UGT1A8: variants seen among roughly 807,000 people sequenced by gnomAD.
UGT1A8 encodes UDP glucuronosyltransferase family 1 member A8, also known as UDP-glucuronosyltransferase 1A8.
Under a neutral mutation model 45.3 loss-of-function variants are expected in UGT1A8, and 39 were observed. That is an observed-to-expected ratio of 0.86 (90% CI 0.67 to 1.12). The LOEUF (loss-of-function observed/expected upper bound fraction) is 1.12, where lower values mean the gene tolerates loss of function less well. Ranked by LOEUF, UGT1A8 falls within the 50% of genes most tolerant of loss-of-function variation. The pLI is 0.00. For synonymous variants in UGT1A8, 275 were observed against 249.2 expected (o/e 1.10, Z -0.97); for missense variants, 719 against 664.9 (o/e 1.08, Z -0.90).
intron 1 of UGT1A8, among the ~76,000 whole-genome samples, chr2:233,624,660 A>G (rs2125450293): frequency 2.0e-5 from 3 of 152,208 alleles, no homozygotes; most frequent in Middle Eastern, 6.8e-3. Context: ...TGTTTTTGCT[A>G]TTGTAGGTCT....
intron 1 of UGT1A8, chr2:233,747,682 G>A: frequency 6.2e-7 from 1 of 1,608,610 alleles, no homozygotes; most frequent in Admixed American, 1.7e-5. Flanking sequence ...ATTTACCTCT[G>A]TGGGGCAGTG....
intron 1 of UGT1A8, among the ~76,000 whole-genome samples, chr2:233,695,570 C>A (rs1024150406): frequency 6.6e-6 from 1 of 151,936 alleles, no homozygotes; most frequent in Non-Finnish European, 1.5e-5. Flanking sequence ...TTTCACCCCC[C>A]CTTCCCTACT....
At chr2:233,655,671 G>C (rs1362137890) in intron 1 of UGT1A8, among the ~76,000 whole-genome samples, 2 of 152,182 alleles carry the variant, frequency 1.3e-5, no homozygotes, top group Non-Finnish European at 2.9e-5. Flanking sequence ...GGTGATCACT[G>C]TCCTGGTCTC....
At chr2:233,654,884 G>A (rs2073821727) in intron 1 of UGT1A8, among the ~76,000 whole-genome samples, 1 of 152,186 alleles carries the variant, frequency 6.6e-6, no homozygotes, top group Non-Finnish European at 1.5e-5. Context: ...CTGAGGTCAG[G>A]AGTTCGAGAT....
rs2075126761 is a variant in UGT1A8, at chr2:233,693,015, T to G, written c.856-74019T>G. 4 of 1,614,174 alleles carry G rather than the reference T, an allele frequency of 2.5e-6. No individual in the cohort carries two copies. The East Asian group carries it at 8.9e-5, about 36-fold the overall frequency. On this transcript the variant is annotated intron_variant, in intron 1 of 4. Coordinates refer to ENST00000373450, the MANE Select transcript of UGT1A8 (RefSeq NM_019076.5). The stretch of plus-strand genomic sequence containing the variant: ...TTAACTCTTTCCAGGATGGCCTGCC[T>G]CCTTCGCTCATTTCAGAGAATTTCT...
intron 1 of UGT1A8, among the ~76,000 whole-genome samples, chr2:233,724,349 A>T (rs1243720800): frequency 1.6e-5 from 2 of 126,414 alleles, no homozygotes; most frequent in Admixed American, 7.8e-5. Flanking sequence ...GACCCCCCCC[A>T]CCTCCCTCCC....
chr2:233,772,614 C>T lies in UGT1A8; in HGVS notation c.*55C>T, dbSNP rs1700539224. ...GAACCATTCCCTAGTCATTTCCAAA[C>T]TTGAAAACAGAATCAGTGTTAAATT... On this transcript the variant is annotated 3_prime_UTR_variant, in exon 5 of 5. Transcript: ENST00000373450. The T allele has an allele frequency of 1.3e-6, 2 of 1,575,828 alleles. No homozygotes were observed. The highest frequency in any genetic ancestry group is 1.7e-6 in the Non-Finnish European group (2 of 1,159,834).
intron 1 of UGT1A8, chr2:233,690,887 G>A (rs1559344611): frequency 1.9e-6 from 2 of 1,063,582 alleles, no homozygotes; most frequent in Non-Finnish European, 1.1e-6. Flanking sequence ...AGGAATTCAA[G>A]GGATGGTATG....
intron 1 of UGT1A8, among the ~76,000 whole-genome samples, chr2:233,686,019 A>G (rs2074769050): frequency 6.6e-6 from 1 of 152,196 alleles, no homozygotes; most frequent in South Asian, 2.1e-4. Flanking sequence ...GATTTTCATC[A>G]TGGTGCCAAG....
intron 1 of UGT1A8, among the ~76,000 whole-genome samples, chr2:233,714,226 A>T (rs533921127): frequency 6.6e-6 from 1 of 152,290 alleles, no homozygotes; most frequent in South Asian, 2.1e-4. Context: ...TGCTGGCAAG[A>T]TTTTCAGTAG....
intron 1 of UGT1A8, among the ~76,000 whole-genome samples, chr2:233,738,801 T>C (rs1338084324): frequency 2.0e-5 from 3 of 152,194 alleles, no homozygotes; most frequent in Non-Finnish European, 4.4e-5. Context: ...GCAGAAATAC[T>C]AGCTAAAGAA....
chr2:233,741,893 G>A (rs1575644502), intron 1 of UGT1A8: 1 of 151,848 alleles, frequency 6.6e-6, no homozygotes. Context: ...TAGAAGAAGG[G>A]ACCCTTTGTG....
chr2:233,632,178 A>C (rs13029819), intron 1 of UGT1A8, among the ~76,000 whole-genome samples: 1 of 152,030 alleles, frequency 6.6e-6, no homozygotes, highest in Non-Finnish European at 1.5e-5. Context: ...GCCTCTGTTC[A>C]GTTCCATTGG....
chr2:233,625,180 A>T (rs1295882937), intron 1 of UGT1A8, among the ~76,000 whole-genome samples: 1 of 152,158 alleles, frequency 6.6e-6, no homozygotes, highest in Admixed American at 6.6e-5. Flanking sequence ...AACATAACAT[A>T]TGAAAAAATG....
intron 1 of UGT1A8, among the ~76,000 whole-genome samples, chr2:233,650,991 G>A (rs1474839330): frequency 6.6e-6 from 1 of 152,070 alleles, no homozygotes; most frequent in Non-Finnish European, 1.5e-5. Context: ...CTCACACATC[G>A]GCAGCTGTTT....
At chr2:233,661,623 TTTTCTTTCTTTCTTTCTTTC>T (rs55749169) in intron 1 of UGT1A8, among the ~76,000 whole-genome samples, 200 of 124,044 alleles carry the variant, frequency 1.6e-3, no homozygotes, top group Middle Eastern at 3.8e-3. Flanking sequence ...ACTTACTGAA[TTTTCTTTCTTTCTTTCTTTC>T]TTTCTTTCTT....
intron 1 of UGT1A8, chr2:233,743,605 G>A (rs376857469): frequency 9.1e-5 from 125 of 1,367,170 alleles, no homozygotes; most frequent in Middle Eastern, 2.1e-4. Context: ...CCTGGCCGCC[G>A]AAGAACTCCC....
rs200102302 is a variant in UGT1A8, at chr2:233,761,088, C to T, written c.856-5946C>T. Reference sequence around the variant, plus strand: ...ACTTTGTGAAGGATTACCCTAGGCCCATCATGCCCAATATGGTTTTTGTTG... The same window carrying T: ...ACTTTGTGAAGGATTACCCTAGGCCTATCATGCCCAATATGGTTTTTGTTG... On this transcript the variant is annotated intron_variant, in intron 1 of 4. Coordinates refer to ENST00000373450, the MANE Select transcript of UGT1A8 (RefSeq NM_019076.5). The T allele has an allele frequency of 4.8e-5, 77 of 1,614,202 alleles. No individual in the cohort carries two copies. Among genetic ancestry groups the T allele is most frequent in the Admixed American group, 1.0e-4 (6 of 60,034 alleles).
At chr2:233,692,444 G>A (rs1365940392) in intron 1 of UGT1A8, 1 of 156,726 alleles carries the variant, frequency 6.4e-6, no homozygotes, top group Non-Finnish European at 1.4e-5. Flanking sequence ...GGGTAACCTG[G>A]GGACCTACTA....
Sources: gnomAD v4.1 joint callset for allele counts (sites outside exome capture counted in the v4.1 genomes callset) on GRCh38, gnomAD v4.1.1 for gene constraint, MANE v1.5 for transcripts, NCBI Gene and HGNC (gene_info 2026-07-23, HGNC 2026-07-21) for gene names.